The following FXN variants were observed in gnomAD, a reference collection of about 807,000 sequenced individuals.
FXN encodes the protein frataxin, mitochondrial.
FXN carries 14 observed loss-of-function variants against 22.4 expected under a neutral mutation model. The ratio of observed to expected loss-of-function variants is 0.62; its 90% confidence interval spans 0.41 to 0.98. The LOEUF (loss-of-function observed/expected upper bound fraction) is 0.98. Ranked by LOEUF, FXN falls within the 50% of genes least tolerant of loss-of-function variation. The pLI, the probability that FXN is intolerant of heterozygous loss-of-function variation, is 0.00. For missense variants in FXN, 267 were observed against 268.4 expected (o/e 0.99, Z 0.04); for synonymous variants, 120 against 114.1 (o/e 1.05, Z -0.33).
rs1832318835 is a variant in FXN, at chr9:69,073,869, A to T, written c.*1107A>T. On this transcript the variant is annotated 3_prime_UTR_variant, in exon 5 of 5. Coordinates refer to ENST00000484259, the MANE Select transcript of FXN (RefSeq NM_000144.5). ...ATTGGTGTTGCCCTATCGTGATTTC[A>T]GTTGAATTCATGTGAAAATAATAGC... 1.0e-6 allele frequency: 1 copy of T among 985,294 alleles called. No individual in the cohort carries two copies. Among genetic ancestry groups the T allele is most frequent in the Admixed American group, 6.2e-5 (1 of 16,254 alleles). 61.0% of individuals were successfully genotyped at this position (985,294 alleles called of 1,614,324 possible).
intron 1 of FXN, among the ~76,000 whole-genome samples, chr9:69,037,284 A>AAAAAAAAGAAG (rs544093183): frequency 1.5e-4 from 12 of 78,062 alleles, no homozygotes; most frequent in African/African-American, 4.3e-4. Flanking sequence ...AAAAAAAAAA[A>AAAAAAAAGAAG]AAGAAGAAGA....
intron 1 of FXN, among the ~76,000 whole-genome samples, chr9:69,037,382 CTTGAG>C (rs1831582881): frequency 6.6e-6 from 1 of 151,962 alleles, no homozygotes; most frequent in Non-Finnish European, 1.5e-5. Flanking sequence ...AGGAGAATCG[CTTGAG>C]CCCGGGAGGC....
rs199926447 is a variant in FXN, at chr9:69,066,865, A to AT, written c.482+1830_482+1831insT. Among the ~76,000 whole-genome samples the AT allele has an allele frequency of 1.7e-3, 202 of 118,986 alleles. 1 individual carries two copies. Among genetic ancestry groups the AT allele is most frequent in the African/African-American group, 5.2e-3 (174 of 33,424 alleles). The allele number at this position is 118,986 out of a possible 152,430, so 78.1% of individuals were successfully genotyped here. A position where few individuals can be genotyped will look rare whatever the true frequency, so the allele number is the denominator to read the frequency against. On this transcript the variant is annotated intron_variant, in intron 4 of 4. Transcript: ENST00000484259. ...CACAGATACTATCTTCCTCAAAAAA[A>AT]AAAAATATATATATATATATGGGGG... is the stretch of plus-strand genomic sequence containing the variant.
chr9:69,039,818 A>T (rs1391733928), intron 1 of FXN, among the ~76,000 whole-genome samples: 1 of 152,042 alleles, frequency 6.6e-6, no homozygotes, highest in Non-Finnish European at 1.5e-5. Flanking sequence ...TATGGTAAAA[A>T]ATTTTCTTCT....
Position 69,074,519 on chromosome 9 carries a change from C to CA in FXN, c.*1771dup, listed in dbSNP as rs34933249. On this transcript the variant is annotated 3_prime_UTR_variant, in exon 5 of 5. Transcript: ENST00000484259. Reference sequence around the variant, plus strand: ...TGAGCGACAGAGCGAGACTCCGTCTCAAAAAAAAAAAAAAGGAGGGTTTAT... The same window carrying CA: ...TGAGCGACAGAGCGAGACTCCGTCTCAAAAAAAAAAAAAAAGGAGGGTTTAT... The CA allele has an allele frequency of 0.053, 36,009 of 677,446 alleles. No individual in the cohort carries two copies. The highest frequency in any genetic ancestry group is 0.057 in the Non-Finnish European group (33,122 of 581,030). 42.0% of individuals were successfully genotyped at this position (677,446 alleles called of 1,614,324 possible). A position where few individuals can be genotyped will look rare whatever the true frequency, so the allele number is the denominator to read the frequency against.
intron 2 of FXN, among the ~76,000 whole-genome samples, chr9:69,050,784 C>T (rs1587820266): frequency 2.1e-5 from 3 of 146,126 alleles, no homozygotes. Context: ...TTGGCCAACT[C>T]TTTTTTTTTT....
chr9:69,065,309 G>C (rs969407578), intron 4 of FXN, among the ~76,000 whole-genome samples: 4 of 152,186 alleles, frequency 2.6e-5, no homozygotes, highest in African/African-American at 9.6e-5. Flanking sequence ...GGGAGGCCAA[G>C]GCCTGTGGAT....
intron 1 of FXN, among the ~76,000 whole-genome samples, chr9:69,038,865 C>G (rs955785222): frequency 1.3e-5 from 2 of 152,186 alleles, no homozygotes; most frequent in African/African-American, 2.4e-5. Flanking sequence ...TCTCAATTCA[C>G]AATTTCTAAG....
In FXN at chr9:69,073,598, C is replaced by T. The variant is rs1163774618; in HGVS notation, c.*836C>T. On this transcript the variant is annotated 3_prime_UTR_variant, in exon 5 of 5. Transcript: ENST00000484259. The stretch of plus-strand genomic sequence containing the variant: ...GGGGCAGATAAAGGAAGGAGATACT[C>T]ATGTTGATAAAGAGAGCCCTGGTCC... 5.1e-6 allele frequency: 5 copies of T among 985,280 alleles called. No homozygotes were observed. Among genetic ancestry groups the T allele is most frequent in the Non-Finnish European group, 4.8e-6 (4 of 829,964 alleles). The allele number at this position is 985,280 out of a possible 1,614,324, so 61.0% of individuals were successfully genotyped here.
chr9:69,056,509 C>G (rs933386171), intron 3 of FXN, among the ~76,000 whole-genome samples: 15 of 152,170 alleles, frequency 9.9e-5, no homozygotes, highest in African/African-American at 3.6e-4. Context: ...ATCTACATAA[C>G]CTAGCTATTT....
chr9:69,045,873 A>G (rs1587817757), intron 1 of FXN, among the ~76,000 whole-genome samples: 1 of 152,324 alleles, frequency 6.6e-6, no homozygotes, highest in East Asian at 1.9e-4. Context: ...AGTTCCGTGC[A>G]TACTCTACAG....
At chr9:69,047,364 C>G (rs982038518) in intron 2 of FXN, among the ~76,000 whole-genome samples, 1 of 151,922 alleles carries the variant, frequency 6.6e-6, no homozygotes, top group Non-Finnish European at 1.5e-5. Flanking sequence ...CACACACACA[C>G]ACACACACAC....
chr9:69,039,527 G>A (rs970948455), intron 1 of FXN, among the ~76,000 whole-genome samples: 11 of 152,114 alleles, frequency 7.2e-5, no homozygotes, highest in Non-Finnish European at 1.6e-4. Context: ...TTACCTACCT[G>A]GAGGCTGGGA....
Position 69,035,792 on chromosome 9 carries a change from C to T in FXN, c.10C>T (p.Leu4Phe). The change falls in exon 1 of 5, where the codon CTC becomes TTC. Residue 4 changes from leucine to phenylalanine, a missense_variant. Transcript: ENST00000484259. Reference sequence around the variant, plus strand: ...GCAGACCCGGAGCAGCATGTGGACTCTCGGGCGCCGCGCAGTAGCCGGCCT... The same window carrying T: ...GCAGACCCGGAGCAGCATGTGGACTTTCGGGCGCCGCGCAGTAGCCGGCCT... MWT[L>F]GRRAVAGLLA... 2.6e-6 allele frequency: 4 copies of T among 1,510,988 alleles called. No individual in the cohort carries two copies. The highest frequency in any genetic ancestry group is 1.4e-5 in the African/African-American group (1 of 70,124). The allele number at this position is 1,510,988 out of a possible 1,614,324, so 93.6% of individuals were successfully genotyped here. A position where few individuals can be genotyped will look rare whatever the true frequency, so the allele number is the denominator to read the frequency against.
Position 69,076,791 on chromosome 9 carries a change from A to G in FXN, c.*4029A>G, listed in dbSNP as rs1328340350. 1.0e-6 allele frequency: 1 copy of G among 985,380 alleles called. No homozygotes were observed. The highest frequency in any genetic ancestry group is 6.1e-5 in the Admixed American group (1 of 16,268). The allele number at this position is 985,380 out of a possible 1,614,324, so 61.0% of individuals were successfully genotyped here. A position where few individuals can be genotyped will look rare whatever the true frequency, so the allele number is the denominator to read the frequency against. Reference sequence around the variant, plus strand: ...TCTTGGCACATAGTTATCTTCTGCTAGAACAAACTAAAACAGCTACATGCC... The same window carrying G: ...TCTTGGCACATAGTTATCTTCTGCTGGAACAAACTAAAACAGCTACATGCC... On this transcript the variant is annotated 3_prime_UTR_variant, in exon 5 of 5. Coordinates refer to ENST00000484259, the MANE Select transcript of FXN (RefSeq NM_000144.5).
Position 69,077,802 on chromosome 9 carries a change from C to T in FXN, c.*5040C>T, listed in dbSNP as rs770331392. On this transcript the variant is annotated 3_prime_UTR_variant, in exon 5 of 5. Coordinates refer to ENST00000484259, the MANE Select transcript of FXN (RefSeq NM_000144.5). ...AAAATTAGCTGGCCGTAGTGGCGCA[C>T]GCCTGTTATCCCAGCTACTCGGGAG... is the stretch of plus-strand genomic sequence containing the variant. 19 of 581,734 alleles carry T rather than the reference C, an allele frequency of 3.3e-5. No homozygotes were observed. The highest frequency in any genetic ancestry group is 4.1e-5 in the Non-Finnish European group (19 of 461,872). 36.0% of individuals were successfully genotyped at this position (581,734 alleles called of 1,614,324 possible). A position where few individuals can be genotyped will look rare whatever the true frequency, so the allele number is the denominator to read the frequency against.
At chr9:69,043,321 G>A (rs1320914892) in intron 1 of FXN, 3 of 152,142 alleles carry the variant, frequency 2.0e-5, no homozygotes, top group East Asian at 3.9e-4. Context: ...AGTTTAGCAC[G>A]AGGAGGCTGT....
At chr9:69,048,599 A>G (rs990011211) in intron 2 of FXN, among the ~76,000 whole-genome samples, 2 of 151,854 alleles carry the variant, frequency 1.3e-5, no homozygotes, top group Admixed American at 6.6e-5. Flanking sequence ...GCGAAATTCC[A>G]TCTCTAAAAA....
intron 2 of FXN, among the ~76,000 whole-genome samples, chr9:69,051,395 T>C (rs1225568681): frequency 3.9e-5 from 6 of 152,106 alleles, no homozygotes; most frequent in Non-Finnish European, 8.8e-5. Flanking sequence ...GGCCAGCTCT[T>C]GATACGATCT....
Sources: gnomAD v4.1 joint callset for allele counts (sites outside exome capture counted in the v4.1 genomes callset) on GRCh38, gnomAD v4.1.1 for gene constraint, MANE v1.5 for transcripts, NCBI Gene and HGNC (gene_info 2026-07-23, HGNC 2026-07-21) for gene names.